The following PDZD8 variants were observed in gnomAD, a reference collection of about 807,000 sequenced individuals.
PDZD8 encodes the protein PDZ domain containing 8.
PDZD8 carries 14 observed loss-of-function variants against 85.8 expected under a neutral mutation model. The observed-to-expected ratio is 0.16, with a 90% confidence interval of 0.11 to 0.26. The LOEUF (loss-of-function observed/expected upper bound fraction) is 0.26, where lower values mean the gene tolerates loss of function less well. Ranked by LOEUF, PDZD8 falls within the 10% of genes least tolerant of loss-of-function variation. The pLI, the probability that PDZD8 is intolerant of heterozygous loss-of-function variation, is 1.00. For missense variants in PDZD8, 1,197 were observed against 1,424.3 expected (o/e 0.84, Z 2.57); for synonymous variants, 592 against 568.6 (o/e 1.04, Z -0.59).
intron 1 of PDZD8, among the ~76,000 whole-genome samples, chr10:117,366,092 T>C (rs543432243): frequency 1.3e-5 from 2 of 152,090 alleles, no homozygotes; most frequent in South Asian, 4.2e-4. Context: ...GAGAGAGGGA[T>C]TACCCCCTCC....
intron 3 of PDZD8, among the ~76,000 whole-genome samples, chr10:117,292,762 T>A (rs1206218510): frequency 1.0e-4 from 15 of 150,310 alleles, no homozygotes; most frequent in African/African-American, 3.7e-4. Context: ...GAAGTAAACA[T>A]TCCAGATGCA....
chr10:117,308,035 A>T (rs1843972860), intron 3 of PDZD8, among the ~76,000 whole-genome samples: 1 of 152,130 alleles, frequency 6.6e-6, no homozygotes, highest in African/African-American at 2.4e-5. Context: ...TCTGTTATTA[A>T]TTACAACTAT....
intron 3 of PDZD8, among the ~76,000 whole-genome samples, chr10:117,301,885 C>T (rs575394317): frequency 1.3e-5 from 2 of 152,098 alleles, no homozygotes; most frequent in African/African-American, 2.4e-5. Context: ...CTCTCCCTCC[C>T]CCGGACAGCC....
intron 3 of PDZD8, among the ~76,000 whole-genome samples, chr10:117,298,014 T>C (rs1843784088): frequency 6.6e-6 from 1 of 152,158 alleles, no homozygotes; most frequent in South Asian, 2.1e-4. Context: ...GGTATGAATT[T>C]AGATGATCCT....
intron 1 of PDZD8, 62 bp from the exon 2 acceptor site, chr10:117,341,164 C>CA: frequency 6.5e-7 from 1 of 1,537,246 alleles, no homozygotes; most frequent in Non-Finnish European, 8.9e-7. Flanking sequence ...TAAAGCATAA[C>CA]AAAACTCACC....
At chr10:117,363,821 T>A (rs925095307) in intron 1 of PDZD8, among the ~76,000 whole-genome samples, 2 of 152,104 alleles carry the variant, frequency 1.3e-5, no homozygotes, top group Non-Finnish European at 2.9e-5. Context: ...CTACAATACA[T>A]GAAGAATTCA....
intron 1 of PDZD8, among the ~76,000 whole-genome samples, chr10:117,361,362 C>T (rs1313836899): frequency 6.6e-6 from 1 of 152,138 alleles, no homozygotes; most frequent in African/African-American, 2.4e-5. Flanking sequence ...CCTGTTAGCA[C>T]TAACTGTCTC....
intron 1 of PDZD8, among the ~76,000 whole-genome samples, chr10:117,373,549 G>A (rs1264512765): frequency 6.8e-6 from 1 of 146,358 alleles, no homozygotes; most frequent in Admixed American, 7.0e-5. Context: ...CTTGAGGTCA[G>A]GAGTTCGAAA....
Position 117,278,512 on chromosome 10 carries a change from A to G in PDZD8, c.*4756T>C, listed in dbSNP as rs1844532443. The G allele has an allele frequency of 6.6e-6, 1 of 152,210 alleles. No homozygotes were observed. Among genetic ancestry groups the G allele is most frequent in the African/African-American group, 2.4e-5 (1 of 41,450 alleles). 9.4% of individuals were successfully genotyped at this position (152,210 alleles called of 1,614,324 possible). On this transcript the variant is annotated 3_prime_UTR_variant, in exon 5 of 5. Transcript: ENST00000334464. The stretch of plus-strand genomic sequence containing the variant: ...GTAACAGCAAATACTGTTAGTGAAC[A>G]TTGTCAATTTATGTCATTTTGTTAA...
At chr10:117,291,153 C>A (rs1351566171) in intron 3 of PDZD8, among the ~76,000 whole-genome samples, 2 of 151,844 alleles carry the variant, frequency 1.3e-5, no homozygotes, top group Non-Finnish European at 2.9e-5. Context: ...GGATTAAAGG[C>A]GTGAGCCATC....
At chr10:117,325,831 C>T (rs1041836539) in intron 2 of PDZD8, among the ~76,000 whole-genome samples, 7 of 152,140 alleles carry the variant, frequency 4.6e-5, no homozygotes, top group East Asian at 1.9e-4. Context: ...GGTTTGGCTC[C>T]GTTTCCCCAC....
intron 1 of PDZD8, among the ~76,000 whole-genome samples, chr10:117,345,484 G>T (rs541779389): frequency 1.3e-5 from 2 of 152,274 alleles, no homozygotes; most frequent in South Asian, 4.1e-4. Context: ...ACACTAGTGG[G>T]GGGGTAAGTG....
chr10:117,372,082 G>C (rs1845203672), intron 1 of PDZD8, among the ~76,000 whole-genome samples: 1 of 152,172 alleles, frequency 6.6e-6, no homozygotes, highest in Non-Finnish European at 1.5e-5. Flanking sequence ...TAAGCATATA[G>C]CAGGTGTACA....
chr10:117,309,353 T>C (rs1843996040), intron 3 of PDZD8, among the ~76,000 whole-genome samples: 1 of 151,430 alleles, frequency 6.6e-6, no homozygotes, highest in Non-Finnish European at 1.5e-5. Context: ...ATTCAACTTA[T>C]TAGTTAAGAT....
intron 3 of PDZD8, among the ~76,000 whole-genome samples, chr10:117,313,269 G>T (rs537514607): frequency 6.6e-6 from 1 of 152,208 alleles, no homozygotes; most frequent in South Asian, 2.1e-4. Flanking sequence ...ATATATACCA[G>T]ATTTCAAAGA....
chr10:117,365,339 T>C (rs7902117), intron 1 of PDZD8, among the ~76,000 whole-genome samples: 40,922 of 152,008 alleles, frequency 0.27, 5,853 homozygotes, highest in Middle Eastern at 0.35. Context: ...CAGTAAGTTT[T>C]TTAAAAAAAG....
intron 1 of PDZD8, among the ~76,000 whole-genome samples, chr10:117,343,505 T>A (rs1844652266): frequency 6.6e-6 from 1 of 152,112 alleles, no homozygotes; most frequent in Non-Finnish European, 1.5e-5. Context: ...ACAGTCCTTA[T>A]GACTCCTGAA....
intron 2 of PDZD8, among the ~76,000 whole-genome samples, chr10:117,332,875 T>TG (rs1179512289): frequency 2.0e-5 from 3 of 150,192 alleles, no homozygotes; most frequent in Admixed American, 1.3e-4. Flanking sequence ...CCCAGCACTT[T>TG]GGGGGGCCAA....
intron 2 of PDZD8, among the ~76,000 whole-genome samples, chr10:117,319,433 A>ACACACACTCT (rs1403355327): frequency 4.4e-5 from 1 of 22,968 alleles, no homozygotes; most frequent in African/African-American, 6.2e-5. Flanking sequence ...ACACACACAC[A>ACACACACTCT]CTCTTCATCT....
Sources: gnomAD v4.1 joint callset for allele counts (sites outside exome capture counted in the v4.1 genomes callset) on GRCh38, gnomAD v4.1.1 for gene constraint, MANE v1.5 for transcripts, NCBI Gene and HGNC (gene_info 2026-07-23, HGNC 2026-07-21) for gene names.